Variants in STARD9 observed in about 807,000 individuals in gnomAD.
STARD9 encodes the protein StAR related lipid transfer domain containing 9, also known as stAR-related lipid transfer protein 9.
In STARD9, 346 loss-of-function variants were observed where a neutral mutation model predicts 399.8. That is an observed-to-expected ratio of 0.87 (90% CI 0.79 to 0.95). STARD9 has a LOEUF of 0.95. Ranked by LOEUF, STARD9 falls within the 40% of genes least tolerant of loss-of-function variation. STARD9 has a pLI of 0.00. For synonymous variants in STARD9, 2,203 were observed against 2,143.5 expected (o/e 1.03, Z -0.77); for missense variants, 5,832 against 5,667.5 (o/e 1.03, Z -0.93).
intron 7 of STARD9, among the ~76,000 whole-genome samples, chr15:42,647,241 A>G (rs2059663895): frequency 6.6e-6 from 1 of 152,188 alleles, no homozygotes; most frequent in Non-Finnish European, 1.5e-5. Flanking sequence ...GTGTTTATAT[A>G]TTACTATTTA....
At chr15:42,583,601 G>A (rs889798586) in intron 2 of STARD9, among the ~76,000 whole-genome samples, 186 bp downstream of exon 2, 1 of 152,104 alleles carries the variant, frequency 6.6e-6, no homozygotes, top group African/African-American at 2.4e-5. Flanking sequence ...GAAGTGCAGG[G>A]CATTTGGCTG....
chr15:42,596,440 T>C (rs943645229), intron 3 of STARD9, among the ~76,000 whole-genome samples: 5 of 152,188 alleles, frequency 3.3e-5, no homozygotes, highest in African/African-American at 1.2e-4. Flanking sequence ...TGAGAGTCTT[T>C]GGACAAAATG....
intron 4 of STARD9, among the ~76,000 whole-genome samples, chr15:42,636,238 GTGATTAGCCA>G (rs1003103215): frequency 1.2e-4 from 18 of 152,268 alleles, no homozygotes; most frequent in African/African-American, 4.3e-4. Context: ...TGAGGCTGCA[GTGATTAGCCA>G]TGATCTTGCC....
intron 26 of STARD9, among the ~76,000 whole-genome samples, chr15:42,696,357 A>G (rs972922577): frequency 1.3e-5 from 2 of 152,174 alleles, no homozygotes; most frequent in African/African-American, 4.8e-5. Context: ...TGTTATTGGG[A>G]GAGATGTGGG....
rs1188287353 is a variant in STARD9 at position 42,684,135 on chromosome 15, C to G, written c.2557C>G (p.Pro853Ala). ...QLHSIFLSWD[P>A]STTLPPRPDP... ...TCACAGCATTTTCCTAAGTTGGGAT[C>G]CCTCTACCACATTGCCACCTAGGCC... The change falls in exon 23 of 33, where the codon CCC becomes GCC. Residue 853 changes from proline to alanine, a missense_variant. By Grantham distance (27) the Pro-to-Ala change is conservative. Transcript: ENST00000290607. The G allele has an allele frequency of 3.4e-5, 52 of 1,529,350 alleles. No homozygotes were observed. The highest frequency in any genetic ancestry group is 4.5e-5 in the Non-Finnish European group (51 of 1,140,900). 94.7% of individuals were successfully genotyped at this position (1,529,350 alleles called of 1,614,324 possible).
chr15:42,611,201 A>G (rs534792802), intron 3 of STARD9, among the ~76,000 whole-genome samples: 57 of 152,324 alleles, frequency 3.7e-4, no homozygotes, highest in African/African-American at 1.3e-3. Context: ...TTTGAAATAC[A>G]GCCATGTCCA....
At chr15:42,622,037 C>T (rs2059103484) in intron 3 of STARD9, among the ~76,000 whole-genome samples, 1 of 152,132 alleles carries the variant, frequency 6.6e-6, no homozygotes. Context: ...CCATACAATT[C>T]ATTCTTTTTT....
At chr15:42,652,228 A>T (rs1394710850) in intron 8 of STARD9, among the ~76,000 whole-genome samples, 1 of 152,062 alleles carries the variant, frequency 6.6e-6, no homozygotes, top group African/African-American at 2.4e-5. Context: ...ATGACGCTCT[A>T]GTCTTCATTT....
intron 26 of STARD9, among the ~76,000 whole-genome samples, chr15:42,713,846 A>G (rs1344013656): frequency 1.3e-5 from 2 of 151,994 alleles, no homozygotes; most frequent in Non-Finnish European, 2.9e-5. Flanking sequence ...TCTATAGTTT[A>G]CTTGTGATGT....
At chr15:42,629,621 C>T (rs193042886) in intron 3 of STARD9, among the ~76,000 whole-genome samples, 4 of 152,130 alleles carry the variant, frequency 2.6e-5, no homozygotes, top group East Asian at 3.9e-4. Flanking sequence ...TTCTCTTGTC[C>T]GATTGCTCTA....
At chr15:42,717,613 A>G in intron 28 of STARD9, 118 bp from the exon 29 acceptor site, 2 of 880,766 alleles carry the variant, frequency 2.3e-6, no homozygotes, top group Admixed American at 2.0e-5. Flanking sequence ...TGACAGAGCT[A>G]GACCCTGTCT....
At chr15:42,682,961 C>G (rs919566315) in intron 22 of STARD9, among the ~76,000 whole-genome samples, 23 of 152,174 alleles carry the variant, frequency 1.5e-4, no homozygotes, top group Non-Finnish European at 5.9e-5. Flanking sequence ...ACCTCCCTCC[C>G]TCTCCCTCCT....
At chr15:42,632,851 A>G (rs1300468329) in intron 3 of STARD9, among the ~76,000 whole-genome samples, 2 of 152,032 alleles carry the variant, frequency 1.3e-5, no homozygotes, top group East Asian at 3.9e-4. Flanking sequence ...CAAGAAAAAA[A>G]TAAATAAAGA....
At chr15:42,650,189 G>A (rs2059731720) in intron 7 of STARD9, among the ~76,000 whole-genome samples, 1 of 152,094 alleles carries the variant, frequency 6.6e-6, no homozygotes, top group African/African-American at 2.4e-5. Context: ...AGTCGGCCTG[G>A]TAGCTTCAGT....
At position 42,691,643 on chromosome 15, in the gene STARD9, T is replaced by A; in HGVS notation, c.10065T>A (p.Pro3355=). 6.5e-7 allele frequency: 1 copy of A among 1,537,256 alleles called. No individual in the cohort carries two copies. Among genetic ancestry groups the A allele is most frequent in the Non-Finnish European group, 8.7e-7 (1 of 1,146,902 alleles). The change falls in exon 23 of 33, where the codon CCT becomes CCA. Residue 3355 remains proline, a synonymous_variant. Coordinates refer to ENST00000290607, the MANE Select transcript of STARD9 (RefSeq NM_020759.3). ...CTACAGACGAAGATACACAGGGGCC[T>A]AACAGATTGTGGAACCCACATCTCA... The part of the protein sequence containing the change: ...PSPTDEDTQG[P]NRLWNPHLRG...
In STARD9 at chr15:42,692,508, A is replaced by G. The variant is rs1399504284; in HGVS notation, c.10930A>G (p.Thr3644Ala). 6.5e-7 allele frequency: 1 copy of G among 1,537,102 alleles called. No individual in the cohort carries two copies. Among genetic ancestry groups the G allele is most frequent in the Non-Finnish European group, 8.7e-7 (1 of 1,146,880 alleles). Residue 3644 changes from threonine to alanine, a missense_variant, in exon 23 of 33, where the codon ACC becomes GCC. Coordinates refer to ENST00000290607, the MANE Select transcript of STARD9 (RefSeq NM_020759.3). Reference sequence around the variant, plus strand: ...GAACACATTCGAACAGGGCACACAGACCCTCGGCAGCAGGCGCCACTGGAG... The same window carrying G: ...GAACACATTCGAACAGGGCACACAGGCCCTCGGCAGCAGGCGCCACTGGAG... ...RTNTFEQGTQ[T>A]LGSRRHWSST... is the part of the protein sequence containing the mutation.
intron 26 of STARD9, among the ~76,000 whole-genome samples, chr15:42,705,275 C>T (rs974269407): frequency 6.6e-6 from 1 of 152,164 alleles, no homozygotes; most frequent in Non-Finnish European, 1.5e-5. Context: ...ATCTTCTTCT[C>T]CTTGTAAAAT....
chr15:42,703,366 TG>T (rs1262946577), intron 26 of STARD9, among the ~76,000 whole-genome samples: 24 of 119,354 alleles, frequency 2.0e-4, no homozygotes, highest in African/African-American at 2.6e-4. Context: ...TTGTTTTGTT[TG>T]TTTTTTTTTT....
chr15:42,604,818 T>G (rs1240657508), intron 3 of STARD9, among the ~76,000 whole-genome samples: 1 of 151,800 alleles, frequency 6.6e-6, no homozygotes, highest in Non-Finnish European at 1.5e-5. Context: ...TAATTTTTTA[T>G]TTTTTGTAGA....
Sources: allele counts gnomAD v4.1 joint callset (sites outside exome capture counted in the v4.1 genomes callset), GRCh38; gene constraint gnomAD v4.1.1; transcripts MANE v1.5; gene names NCBI Gene and HGNC (gene_info 2026-07-23, HGNC 2026-07-21).